The following GRM7 variants were observed in gnomAD, a reference collection of about 807,000 sequenced individuals.
GRM7 encodes metabotropic glutamate receptor 7.
A neutral mutation model predicts 84.5 loss-of-function variants in GRM7; 35 were observed. The observed-to-expected ratio is 0.41, with a 90% confidence interval of 0.32 to 0.55. GRM7 has a LOEUF of 0.55. GRM7 is among the 20% of genes least tolerant of loss of function. GRM7 has a pLI of 0.19. For missense variants in GRM7, 1,003 were observed against 1,194.6 expected (o/e 0.84, Z 2.36); for synonymous variants, 487 against 455.1 (o/e 1.07, Z -0.89).
At chr3:7,737,472 A>G (rs1023760854) in intron 9 of GRM7, among the ~76,000 whole-genome samples, 4 of 152,220 alleles carry the variant, frequency 2.6e-5, no homozygotes, top group African/African-American at 9.6e-5. Flanking sequence ...TCATTGCGCA[A>G]CTATTTTGAG....
At chr3:7,640,280 A>G (rs1362265989) in intron 8 of GRM7, among the ~76,000 whole-genome samples, 1 of 152,222 alleles carries the variant, frequency 6.6e-6, no homozygotes, top group Non-Finnish European at 1.5e-5. Flanking sequence ...ACTACATGCC[A>G]CTGGGACAGG....
chr3:6,904,034 ATGT>A (rs1415461156), intron 1 of GRM7, among the ~76,000 whole-genome samples: 1 of 152,042 alleles, frequency 6.6e-6, no homozygotes, highest in African/African-American at 2.4e-5. Context: ...TGATTTTTTA[ATGT>A]TGTATATATC....
At chr3:7,203,307 G>A (rs1223475996) in intron 2 of GRM7, among the ~76,000 whole-genome samples, 4 of 152,022 alleles carry the variant, frequency 2.6e-5, no homozygotes, top group Non-Finnish European at 5.9e-5. Context: ...AGAATATGTA[G>A]CATTTGTCTT....
At chr3:7,148,716 G>T (rs1189432554) in intron 2 of GRM7, among the ~76,000 whole-genome samples, 1 of 151,974 alleles carries the variant, frequency 6.6e-6, no homozygotes, top group Admixed American at 6.6e-5. Flanking sequence ...CTTATAATAT[G>T]ATCTGAACTC....
chr3:6,910,113 G>A (rs1047623645), intron 1 of GRM7, among the ~76,000 whole-genome samples: 2 of 152,012 alleles, frequency 1.3e-5, no homozygotes, highest in Non-Finnish European at 2.9e-5. Flanking sequence ...ATTAAAAACT[G>A]GCATCATCAT....
At chr3:6,961,171 T>C (rs560755991) in intron 1 of GRM7, among the ~76,000 whole-genome samples, 10 of 152,346 alleles carry the variant, frequency 6.6e-5, no homozygotes, top group African/African-American at 2.2e-4. Context: ...TTATTATCAG[T>C]AAGAGTGAAA....
intron 4 of GRM7, among the ~76,000 whole-genome samples, chr3:7,314,993 A>G (rs1429376494): frequency 1.3e-5 from 2 of 151,656 alleles, no homozygotes; most frequent in South Asian, 2.1e-4. Context: ...CAAAGATTGT[A>G]TTCTTTGTCA....
At chr3:7,426,365 G>C (rs1696612857) in intron 5 of GRM7, among the ~76,000 whole-genome samples, 1 of 152,088 alleles carries the variant, frequency 6.6e-6, no homozygotes, top group Non-Finnish European at 1.5e-5. Context: ...ATGGTCTGTA[G>C]GGCACCTGGT....
intron 1 of GRM7, among the ~76,000 whole-genome samples, chr3:7,047,143 T>TA (rs1189917566): frequency 1.3e-5 from 2 of 152,110 alleles, no homozygotes; most frequent in Admixed American, 1.3e-4. Flanking sequence ...GTTTTTTTTT[T>TA]AATAAAGTTT....
chr3:7,386,028 T>C (rs1368707232), intron 4 of GRM7, among the ~76,000 whole-genome samples: 1 of 152,166 alleles, frequency 6.6e-6, no homozygotes, highest in Non-Finnish European at 1.5e-5. Context: ...ACTATACTGT[T>C]TAGCAATGTA....
At chr3:7,511,012 G>A (rs1700183001) in intron 7 of GRM7, among the ~76,000 whole-genome samples, 1 of 152,138 alleles carries the variant, frequency 6.6e-6, no homozygotes, top group Non-Finnish European at 1.5e-5. Flanking sequence ...AGACCTTAGG[G>A]TGGTCAGAAT....
At chr3:7,106,477 A>T (rs1692645533) in intron 1 of GRM7, among the ~76,000 whole-genome samples, 1 of 151,954 alleles carries the variant, frequency 6.6e-6, no homozygotes, top group Non-Finnish European at 1.5e-5. Flanking sequence ...AGGAAAAAAA[A>T]ATCAAATGTG....
Position 7,103,812 on chromosome 3 carries a change from T to TCTC in GRM7, c.520-42640_520-42639insCTC, listed in dbSNP as rs1559443596. 5.5e-4 allele frequency among the ~76,000 whole-genome samples: 45 copies of TCTC among 81,780 alleles called. 1 individual carries two copies. The highest frequency in any genetic ancestry group is 3.5e-3 in the African/African-American group (45 of 12,698). 53.7% of individuals were successfully genotyped at this position (81,780 alleles called of 152,430 possible). A position where few individuals can be genotyped will look rare whatever the true frequency, so the allele number is the denominator to read the frequency against. Reference sequence around the variant, plus strand: ...TTTCTTTCTTTCTTTCTTTCTTTCTTTCTTTCTCTCTCTCTCTGTCTCTCT... The same window carrying TCTC: ...TTTCTTTCTTTCTTTCTTTCTTTCTTCTCTCTTTCTCTCTCTCTCTGTCTCTCT... On this transcript the variant is annotated intron_variant, in intron 1 of 9. Coordinates refer to ENST00000357716, the MANE Select transcript of GRM7 (RefSeq NM_000844.4).
chr3:6,864,168 G>T (rs1429743933), intron 1 of GRM7, among the ~76,000 whole-genome samples: 1 of 152,126 alleles, frequency 6.6e-6, no homozygotes, highest in African/African-American at 2.4e-5. Context: ...ATTCATGTTG[G>T]ATTGAATAGC....
At chr3:7,209,831 G>A (rs1696361736) in intron 2 of GRM7, among the ~76,000 whole-genome samples, 1 of 152,102 alleles carries the variant, frequency 6.6e-6, no homozygotes, top group African/African-American at 2.4e-5. Context: ...GCCTTAAAGG[G>A]TAATTTTTAA....
intron 4 of GRM7, among the ~76,000 whole-genome samples, chr3:7,368,334 G>A (rs1234862897): frequency 6.6e-6 from 1 of 151,998 alleles, no homozygotes; most frequent in African/African-American, 2.4e-5. Context: ...CACAAAATGA[G>A]CCATTTTTTT....
chr3:7,021,775 G>T (rs1695784681), intron 1 of GRM7, among the ~76,000 whole-genome samples: 1 of 152,134 alleles, frequency 6.6e-6, no homozygotes, highest in African/African-American at 2.4e-5. Context: ...TTATGCATTT[G>T]CCTATTTATC....
rs1010629710 is a variant in GRM7, at chr3:7,420,222, G to A, written c.1174+5059G>A. On this transcript the variant is annotated intron_variant, in intron 5 of 9. Coordinates refer to ENST00000357716, the MANE Select transcript of GRM7 (RefSeq NM_000844.4). ...AAGACTGTCAAGACAAAGGAATTAC[G>A]CTTAAAGTCAAGTGCTCAGAATATA... Among the ~76,000 whole-genome samples, 11 of 152,208 alleles carry A rather than the reference G, an allele frequency of 7.2e-5. No individual in the cohort carries two copies. The South Asian group carries it at 8.3e-4, about 11-fold the overall frequency.
chr3:7,324,337 A>G (rs563427903), intron 4 of GRM7, among the ~76,000 whole-genome samples: 7 of 152,264 alleles, frequency 4.6e-5, no homozygotes, highest in South Asian at 4.1e-4. Context: ...TCACTTCTCT[A>G]TTTACTTATA....
Sources: gnomAD v4.1 joint callset for allele counts (sites outside exome capture counted in the v4.1 genomes callset) on GRCh38, gnomAD v4.1.1 for gene constraint, MANE v1.5 for transcripts, NCBI Gene and HGNC (gene_info 2026-07-23, HGNC 2026-07-21) for gene names.